Variants in SGCZ observed in about 807,000 individuals in gnomAD.
SGCZ encodes the protein zeta-sarcoglycan.
A neutral mutation model predicts 41.3 loss-of-function variants in SGCZ; 40 were observed. The observed-to-expected ratio is 0.97, with a 90% CI of 0.75 to 1.26. The LOEUF (loss-of-function observed/expected upper bound fraction) is 1.26. Among genes scored for constraint, SGCZ ranks in the 50% most tolerant of loss-of-function variants. SGCZ has a pLI of 0.00. For missense variants in SGCZ, 552 were observed against 369.8 expected, an observed-to-expected ratio of 1.49 and a Z score of -4.04; for synonymous variants, 206 against 137.5, an observed-to-expected ratio of 1.50 and a Z score of -3.49.
At chr8:14,686,670 G>T (rs888596070) in intron 1 of SGCZ, among the ~76,000 whole-genome samples, 1 of 152,058 alleles carries the variant, frequency 6.6e-6, no homozygotes, top group African/African-American at 2.4e-5. Flanking sequence ...TAGACATGTT[G>T]CAGGGGCTGA....
rs76653087 is a variant in SGCZ, at chr8:15,136,175, C to T, written c.39+101410G>A. On this transcript the variant is annotated intron_variant, in intron 1 of 7. Coordinates refer to ENST00000382080, the MANE Select transcript of SGCZ (RefSeq NM_139167.4). ...AAGACCCACCTCTGGAGTCAAGCCC[C>T]ACCTCCTGAGTAGAGTCCTGCCTCC... is the stretch of plus-strand genomic sequence containing the variant. Among the ~76,000 whole-genome samples the T allele has an allele frequency of 4.4e-3, 669 of 152,150 alleles. 7 individuals carry two copies. The highest frequency in any genetic ancestry group is 0.015 in the African/African-American group (636 of 41,530).
At chr8:15,032,372 C>T (rs1803705581) in intron 1 of SGCZ, among the ~76,000 whole-genome samples, 1 of 152,160 alleles carries the variant, frequency 6.6e-6, no homozygotes, top group Non-Finnish European at 1.5e-5. Context: ...TACTCCAACC[C>T]TACATACCAT....
At chr8:14,454,874 A>G (rs1327588970) in intron 2 of SGCZ, among the ~76,000 whole-genome samples, 1 of 152,218 alleles carries the variant, frequency 6.6e-6, no homozygotes, top group Non-Finnish European at 1.5e-5. Context: ...ACACGACAAT[A>G]AACTCCAAAT....
At chr8:14,691,052 T>C (rs1341695931) in intron 1 of SGCZ, among the ~76,000 whole-genome samples, 1 of 152,302 alleles carries the variant, frequency 6.6e-6, no homozygotes, top group African/African-American at 2.4e-5. Flanking sequence ...TAATAAGTCC[T>C]ACTATATGTA....
intron 5 of SGCZ, 102 bp downstream of exon 5, chr8:14,164,478 T>C: frequency 7.2e-7 from 1 of 1,392,854 alleles, no homozygotes; most frequent in Non-Finnish European, 9.9e-7. Context: ...TGTAAGACTC[T>C]ACTTTAGGCA....
At chr8:14,236,390 T>A (rs73515217) in intron 4 of SGCZ, among the ~76,000 whole-genome samples, 2 of 152,292 alleles carry the variant, frequency 1.3e-5, no homozygotes, top group South Asian at 4.1e-4. Flanking sequence ...TAAAACTATA[T>A]TTTTAGAAAA....
intron 1 of SGCZ, among the ~76,000 whole-genome samples, chr8:14,946,005 CATATATAT>C (rs34647526): frequency 0.031 from 453 of 14,848 alleles, 1 homozygote; most frequent in Middle Eastern, 0.12. Flanking sequence ...TAAATGTCCC[CATATATAT>C]ATATATATAT....
At chr8:15,006,530 C>A (rs1159897647) in intron 1 of SGCZ, among the ~76,000 whole-genome samples, 2 of 152,160 alleles carry the variant, frequency 1.3e-5, no homozygotes, top group Non-Finnish European at 2.9e-5. Context: ...GATCATTAGC[C>A]ATTGTTTACC....
chr8:14,609,335 G>A (rs773473981), intron 1 of SGCZ, among the ~76,000 whole-genome samples: 2 of 151,886 alleles, frequency 1.3e-5, no homozygotes, highest in African/African-American at 2.4e-5. Context: ...GTTTCTCTGT[G>A]GAAAATTACC....
Position 15,172,382 on chromosome 8 carries a change from G to A in SGCZ, c.39+65203C>T, listed in dbSNP as rs145718008. Among the ~76,000 whole-genome samples, 822 of 151,126 alleles carry A rather than the reference G, an allele frequency of 5.4e-3. 4 individuals are homozygous for A. Among genetic ancestry groups the A allele is most frequent in the African/African-American group, 0.019 (781 of 41,202 alleles). On this transcript the variant is annotated intron_variant, in intron 1 of 7. Transcript: ENST00000382080. ...TCACCGTGTCAGCCAGGATGGTCTC[G>A]ATCTCCTGACCTCGTGATCTGCCCG...
chr8:14,551,722 C>T (rs1347559815), intron 2 of SGCZ, among the ~76,000 whole-genome samples: 3 of 93,660 alleles, frequency 3.2e-5, no homozygotes, highest in Non-Finnish European at 6.7e-5. Flanking sequence ...CTAAGTCTTT[C>T]ATCCTGTAAT....
chr8:15,118,553 T>C (rs933069736), intron 1 of SGCZ, among the ~76,000 whole-genome samples: 4 of 152,164 alleles, frequency 2.6e-5, no homozygotes, highest in African/African-American at 4.8e-5. Context: ...TGTCTGTGGA[T>C]GTGTGCGTGG....
intron 2 of SGCZ, among the ~76,000 whole-genome samples, chr8:14,441,990 T>C (rs898205451): frequency 2.0e-5 from 3 of 152,244 alleles, no homozygotes; most frequent in Admixed American, 6.5e-5. Flanking sequence ...TCTCTTACTT[T>C]TTCTGAAAGC....
Position 14,341,713 on chromosome 8 carries a change from T to C in SGCZ, c.235-17509A>G, listed in dbSNP as rs186120461. The stretch of plus-strand genomic sequence containing the variant: ...TTGAATCATGGGGGCCAGTCATTCC[T>C]GTGCTATTCTTGTTTGAATAAGTCT... On this transcript the variant is annotated intron_variant, in intron 2 of 7. Coordinates refer to ENST00000382080, the MANE Select transcript of SGCZ (RefSeq NM_139167.4). Among the ~76,000 whole-genome samples, 17 of 152,322 alleles carry C rather than the reference T, an allele frequency of 1.1e-4. No homozygotes were observed. In the East Asian group the frequency reaches 3.1e-3, roughly 28 times the overall value.
chr8:15,185,009 A>G (rs1800293522), intron 1 of SGCZ, among the ~76,000 whole-genome samples: 1 of 152,118 alleles, frequency 6.6e-6, no homozygotes, highest in Non-Finnish European at 1.5e-5. Context: ...GGCTCTCTTC[A>G]TCTCCCAGGT....
chr8:15,092,999 T>A (rs1049589069), intron 1 of SGCZ, among the ~76,000 whole-genome samples: 9 of 152,178 alleles, frequency 5.9e-5, no homozygotes, highest in African/African-American at 1.9e-4. Flanking sequence ...AAATACACGC[T>A]TTTAGTATCA....
intron 1 of SGCZ, among the ~76,000 whole-genome samples, chr8:15,162,407 C>A (rs926273070): frequency 6.6e-6 from 1 of 152,184 alleles, no homozygotes; most frequent in African/African-American, 2.4e-5. Flanking sequence ...ACAACTGATA[C>A]TTTTCTTTCT....
intron 1 of SGCZ, among the ~76,000 whole-genome samples, chr8:14,903,092 G>A (rs1344873904): frequency 6.6e-6 from 1 of 152,108 alleles, no homozygotes; most frequent in East Asian, 1.9e-4. Context: ...TAACGAGGCA[G>A]AGGGTTCTGG....
chr8:15,148,165 A>G (rs1208667538), intron 1 of SGCZ, among the ~76,000 whole-genome samples: 1 of 152,136 alleles, frequency 6.6e-6, no homozygotes, highest in African/African-American at 2.4e-5. Context: ...TTTACAATAA[A>G]AACATATCTG....
Sources: gnomAD v4.1 joint callset for allele counts (sites outside exome capture counted in the v4.1 genomes callset) on GRCh38, gnomAD v4.1.1 for gene constraint, MANE v1.5 for transcripts, NCBI Gene and HGNC (gene_info 2026-07-23, HGNC 2026-07-21) for gene names.